ESRP1: variants seen among roughly 807,000 people sequenced by gnomAD.
ESRP1 encodes the protein epithelial splicing regulatory protein 1.
ESRP1 carries 33 observed loss-of-function variants against 81.7 expected under a neutral mutation model. That is an observed-to-expected ratio of 0.40 (90% CI 0.31 to 0.54). The LOEUF (loss-of-function observed/expected upper bound fraction) is 0.54, where lower values mean the gene tolerates loss of function less well. Ranked by LOEUF, ESRP1 falls within the 20% of genes least tolerant of loss-of-function variation. The pLI is 0.41. For synonymous variants in ESRP1, 320 were observed against 303.3 expected, an observed-to-expected ratio of 1.06 and a Z score of -0.57; for missense variants, 672 against 833.1, an observed-to-expected ratio of 0.81 and a Z score of 2.38.
chr8:94,704,605 A>C (rs1372517655), intron 15 of ESRP1, among the ~76,000 whole-genome samples: 1 of 151,970 alleles, frequency 6.6e-6, no homozygotes, highest in Admixed American at 6.6e-5. Context: ...CTTTACAAAC[A>C]ATTTGAAAAT....
rs1809779352 is a variant in ESRP1, at chr8:94,700,511, C to T, written c.*35+3550C>T. Among the ~76,000 whole-genome samples, 4 of 152,226 alleles carry T rather than the reference C, an allele frequency of 2.6e-5. No individual in the cohort carries two copies. In the South Asian group the frequency reaches 8.3e-4, roughly 32 times the overall value. On this transcript the variant is annotated intron_variant, in intron 15 of 15. Coordinates refer to ENST00000433389, the MANE Select transcript of ESRP1 (RefSeq NM_017697.4). ...TGCTCCCTGGAGCCTCCAGAGGATGCACAGCCGCACTGACACAGTTTCTCA... is the reference window on the plus strand; with the variant it reads ...TGCTCCCTGGAGCCTCCAGAGGATGTACAGCCGCACTGACACAGTTTCTCA...
intron 6 of ESRP1, among the ~76,000 whole-genome samples, chr8:94,662,981 A>G (rs977112488): frequency 5.3e-5 from 8 of 152,154 alleles, no homozygotes; most frequent in Admixed American, 3.3e-4. Context: ...CCTTTTAGCT[A>G]TCCTTTCTTG....
chr8:94,678,632 C>T (rs1256246874), intron 13 of ESRP1, among the ~76,000 whole-genome samples: 3 of 152,124 alleles, frequency 2.0e-5, no homozygotes, highest in Non-Finnish European at 2.9e-5. Context: ...GTCATAGGAC[C>T]CCAAGTGAGT....
rs184657975 is a variant in ESRP1, at chr8:94,669,793, C to T, written c.1233+1543C>T. ...GCTGAGGCAGGAGAATCGCTTGAAC[C>T]CGGGAGGTGGAGATTGCAGTGAACC... On this transcript the variant is annotated intron_variant, in intron 10 of 15. Coordinates refer to ENST00000433389, the MANE Select transcript of ESRP1 (RefSeq NM_017697.4). Among the ~76,000 whole-genome samples, 10 of 151,270 alleles carry T rather than the reference C, an allele frequency of 6.6e-5. No homozygotes were observed. In the East Asian group the frequency reaches 1.6e-3, roughly 23 times the overall value.
chr8:94,696,935 G>A lies in ESRP1; in HGVS notation c.*9G>A. On this transcript the variant is annotated 3_prime_UTR_variant, in exon 15 of 16. Coordinates refer to ENST00000433389, the MANE Select transcript of ESRP1 (RefSeq NM_017697.4). Reference sequence around the variant, plus strand: ...AATGGGTTTGTATTTAAGGGCCCCAGCAGTTAGAACATCCTCAGAAAAGAA... The same window carrying A: ...AATGGGTTTGTATTTAAGGGCCCCAACAGTTAGAACATCCTCAGAAAAGAA... 1 of 1,575,624 alleles carries A rather than the reference G, an allele frequency of 6.3e-7. No homozygotes were observed. Among genetic ancestry groups the A allele is most frequent in the Non-Finnish European group, 8.6e-7 (1 of 1,159,408 alleles).
chr8:94,678,345 CATG>C lies in ESRP1; in HGVS notation c.1796_1798del (p.Met599del), dbSNP rs773798302. On this transcript the variant is annotated inframe_deletion, in exon 13 of 16. Coordinates refer to ENST00000433389, the MANE Select transcript of ESRP1 (RefSeq NM_017697.4). The stretch of plus-strand genomic sequence containing the variant: ...ACTACCCAGCAGGCACTCAGCTCTT[CATG>C]AATTACACAGCGTACTATCCCAGGT... 21 of 1,613,832 alleles carry C rather than the reference CATG, an allele frequency of 1.3e-5. No homozygotes were observed. The South Asian group carries it at 2.3e-4, about 18-fold the overall frequency.
intron 13 of ESRP1, among the ~76,000 whole-genome samples, chr8:94,686,309 T>C (rs1283063643): frequency 6.6e-6 from 1 of 152,202 alleles, no homozygotes; most frequent in East Asian, 1.9e-4. Context: ...TATTAACTCA[T>C]GTATTTCATT....
intron 2 of ESRP1, 26 bp downstream of exon 2, chr8:94,642,110 A>G (rs1464154932): frequency 6.2e-7 from 1 of 1,604,428 alleles, no homozygotes; most frequent in African/African-American, 1.3e-5. Flanking sequence ...CACGCCACCC[A>G]CCCCAGCCTG....
chr8:94,699,907 A>AC (rs1563551641), intron 15 of ESRP1, among the ~76,000 whole-genome samples: 2 of 142,114 alleles, frequency 1.4e-5, no homozygotes, highest in East Asian at 2.0e-4. Context: ...TTTTATATAT[A>AC]TTTTTTTACC....
chr8:94,688,576 AAC>A (rs887590469), intron 13 of ESRP1: 3 of 208,818 alleles, frequency 1.4e-5, no homozygotes, highest in Admixed American at 9.8e-5. Flanking sequence ...GCAAGATGAA[AAC>A]ACACATGAGG....
intron 13 of ESRP1, among the ~76,000 whole-genome samples, chr8:94,680,226 C>T (rs1442465425): frequency 2.6e-5 from 4 of 152,014 alleles, no homozygotes; most frequent in Non-Finnish European, 5.9e-5. Flanking sequence ...AGGTCAGGTG[C>T]GTTATATATA....
At chr8:94,691,070 C>T (rs999489157) in intron 13 of ESRP1, among the ~76,000 whole-genome samples, 4 of 152,120 alleles carry the variant, frequency 2.6e-5, no homozygotes, top group African/African-American at 4.8e-5. Context: ...TGAATAGTGG[C>T]GAATGTCCTA....
intron 4 of ESRP1, among the ~76,000 whole-genome samples, chr8:94,651,340 C>T (rs1462330600): frequency 6.7e-6 from 1 of 148,330 alleles, no homozygotes; most frequent in Admixed American, 6.8e-5. Flanking sequence ...CCTCAAACTC[C>T]TGCACCCTAG....
intron 13 of ESRP1, among the ~76,000 whole-genome samples, chr8:94,682,236 T>C (rs1368389181): frequency 1.3e-5 from 2 of 152,220 alleles, no homozygotes; most frequent in Non-Finnish European, 2.9e-5. Context: ...CAGAAAAGAA[T>C]ATTCTCCTTT....
At chr8:94,680,404 T>G (rs990948860) in intron 13 of ESRP1, among the ~76,000 whole-genome samples, 1 of 152,188 alleles carries the variant, frequency 6.6e-6, no homozygotes, top group African/African-American at 2.4e-5. Flanking sequence ...GCCAAAGATG[T>G]TTTATAATTT....
intron 13 of ESRP1, among the ~76,000 whole-genome samples, chr8:94,691,038 T>C (rs188934794): frequency 6.6e-6 from 1 of 152,310 alleles, no homozygotes; most frequent in Non-Finnish European, 1.5e-5. Context: ...TTTCCACCTC[T>C]GCAAAAATGA....
chr8:94,669,844 G>A (rs890950561), intron 10 of ESRP1, among the ~76,000 whole-genome samples: 1 of 148,090 alleles, frequency 6.8e-6, no homozygotes, highest in African/African-American at 2.5e-5. Flanking sequence ...TCTAGCCTGG[G>A]CGACCAAGCA....
chr8:94,652,143 A>G (rs1400740853), intron 4 of ESRP1, among the ~76,000 whole-genome samples: 1 of 151,592 alleles, frequency 6.6e-6, no homozygotes, highest in Non-Finnish European at 1.5e-5. Context: ...ATGTGCCACC[A>G]TGCCCAGCTA....
intron 6 of ESRP1, among the ~76,000 whole-genome samples, chr8:94,663,206 T>C (rs1426353091): frequency 6.6e-6 from 1 of 152,206 alleles, no homozygotes; most frequent in Non-Finnish European, 1.5e-5. Flanking sequence ...TCACAATTTT[T>C]ACTGAGATAA....
Sources: allele counts gnomAD v4.1 joint callset (sites outside exome capture counted in the v4.1 genomes callset), GRCh38; gene constraint gnomAD v4.1.1; transcripts MANE v1.5; gene names NCBI Gene and HGNC (gene_info 2026-07-23, HGNC 2026-07-21).